Variants in MTMR7 observed in about 807,000 individuals in gnomAD.
The protein encoded by MTMR7 is myotubularin related protein 7, also known as phosphatidylinositol-3-phosphate phosphatase MTMR7.
Under a neutral mutation model 81.2 loss-of-function variants are expected in MTMR7, and 76 were observed. The ratio of observed to expected loss-of-function variants is 0.94; its 90% CI spans 0.78 to 1.13. The LOEUF is 1.13. Among genes scored for constraint, MTMR7 ranks in the 50% most tolerant of loss-of-function variants. The pLI, the probability that MTMR7 is intolerant of heterozygous loss-of-function variation, is 0.00. For missense variants in MTMR7, 1,044 were observed against 820.0 expected (o/e 1.27, Z -3.34); for synonymous variants, 372 against 289.8 (o/e 1.28, Z -2.88).
intron 3 of MTMR7, among the ~76,000 whole-genome samples, chr8:17,369,944 C>T (rs116601814): frequency 2.0e-5 from 3 of 151,908 alleles, no homozygotes; most frequent in African/African-American, 4.8e-5. Context: ...CGCGTCAGGC[C>T]GAGTATATTT....
At chr8:17,373,001 C>T in intron 2 of MTMR7, 117 bp downstream of exon 2, 1 of 1,265,068 alleles carries the variant, frequency 7.9e-7, no homozygotes, top group Non-Finnish European at 1.1e-6. Context: ...AAACAGTTCC[C>T]CAACATCCAG....
chr8:17,311,762 C>T (rs942718241), intron 8 of MTMR7, 126 bp from the exon 9 acceptor site: 30 of 1,462,292 alleles, frequency 2.1e-5, no homozygotes, highest in Non-Finnish European at 2.7e-5. Flanking sequence ...CCTGTCCATT[C>T]GTCTGTTTAG....
chr8:17,331,053 C>A, intron 7 of MTMR7, 97 bp downstream of exon 7: 1 of 1,403,134 alleles, frequency 7.1e-7, no homozygotes, highest in Admixed American at 2.3e-5. Flanking sequence ...ATTATCACAC[C>A]TATGTAAAAA....
rs139704387 is a variant in MTMR7 at position 17,405,619 on chromosome 8, C to T, written c.24+7650G>A. 6.1e-4 allele frequency among the ~76,000 whole-genome samples: 93 copies of T among 152,214 alleles called. No individual in the cohort carries two copies. The East Asian group carries it at 7.5e-3, about 12-fold the overall frequency. On this transcript the variant is annotated intron_variant, in intron 1 of 13. Coordinates refer to ENST00000180173, the MANE Select transcript of MTMR7 (RefSeq NM_004686.5). ...AAGAAGCTATTCCTCTCTTTCAAGG[C>T]TGTTCACTATAAAATCATCCTTGAA...
intron 1 of MTMR7, among the ~76,000 whole-genome samples, chr8:17,410,967 T>C (rs1363568714): frequency 6.6e-6 from 1 of 152,108 alleles, no homozygotes; most frequent in Non-Finnish European, 1.5e-5. Context: ...CATGAAACCA[T>C]GAAATCGAAG....
rs1381442924 is a variant in MTMR7, at chr8:17,298,080, A to G, written c.*1782T>C. On this transcript the variant is annotated 3_prime_UTR_variant, in exon 14 of 14. Transcript: ENST00000180173. ...TTGTTTTTATAGACATACACTGTCAAACGGAAGAAATTAAAGCCACATCCT... is the reference window on the plus strand; with the variant it reads ...TTGTTTTTATAGACATACACTGTCAGACGGAAGAAATTAAAGCCACATCCT... The G allele has an allele frequency of 2.0e-5, 3 of 152,056 alleles. No individual in the cohort carries two copies. Among genetic ancestry groups the G allele is most frequent in the Non-Finnish European group, 2.9e-5 (2 of 67,924 alleles). The allele number at this position is 152,056 out of a possible 1,614,324, so 9.4% of individuals were successfully genotyped here. A position where few individuals can be genotyped will look rare whatever the true frequency, so the allele number is the denominator to read the frequency against.
At chr8:17,308,532 A>C (rs950427869) in intron 10 of MTMR7, among the ~76,000 whole-genome samples, 3 of 152,246 alleles carry the variant, frequency 2.0e-5, no homozygotes, top group African/African-American at 7.2e-5. Context: ...AAGAAAACAC[A>C]GTAAAACTTC....
Position 17,371,167 on chromosome 8 carries a change from T to C in MTMR7, c.180A>G (p.Lys60=). The C allele has an allele frequency of 6.2e-7, 1 of 1,614,182 alleles. No individual in the cohort carries two copies. The highest frequency in any genetic ancestry group is 1.3e-5 in the African/African-American group (1 of 75,056). Residue 60 remains lysine, a synonymous_variant, in exon 3 of 14, where the codon AAA becomes AAG. Transcript: ENST00000180173. ...GGCATCCGGTAGCGGTTGTTGCCTG[T>C]TTCTCAATGGTGGAAATCTGACTGT... ...ILHSQISTIE[K]QATTATGCPL...
In MTMR7 at chr8:17,346,884, TAAA is replaced by T. The variant is rs55910829; in HGVS notation, c.597+2066_597+2068del. Among the ~76,000 whole-genome samples the T allele has an allele frequency of 4.0e-3, 262 of 65,060 alleles. 1 individual carries two copies. Among genetic ancestry groups the T allele is most frequent in the African/African-American group, 0.013 (243 of 18,146 alleles). 42.7% of individuals were successfully genotyped at this position (65,060 alleles called of 152,430 possible). A position where few individuals can be genotyped will look rare whatever the true frequency, so the allele number is the denominator to read the frequency against. On this transcript the variant is annotated intron_variant, in intron 5 of 13. Transcript: ENST00000180173. ...CCTATCTCTATTTATCCTATCTTAA[TAAA>T]AAAAAAAAAAAAAAAAAAAAAAAGA...
chr8:17,367,818 T>C (rs1002536316), intron 3 of MTMR7, among the ~76,000 whole-genome samples: 1 of 151,984 alleles, frequency 6.6e-6, no homozygotes, highest in Admixed American at 6.6e-5. Flanking sequence ...GCTGGAAACT[T>C]TTCTCTTCCC....
intron 1 of MTMR7, among the ~76,000 whole-genome samples, chr8:17,391,246 C>T (rs936235056): frequency 3.3e-5 from 5 of 152,068 alleles, no homozygotes; most frequent in African/African-American, 7.2e-5. Context: ...CTTTGACTTT[C>T]ACTCTGAGTA....
intron 1 of MTMR7, among the ~76,000 whole-genome samples, chr8:17,381,460 T>C (rs1043332636): frequency 6.6e-6 from 1 of 152,106 alleles, no homozygotes; most frequent in African/African-American, 2.4e-5. Context: ...GGTCTTTCTA[T>C]CCTGCAGGTC....
At chr8:17,327,610 T>A (rs1304556007) in intron 7 of MTMR7, among the ~76,000 whole-genome samples, 1 of 147,970 alleles carries the variant, frequency 6.8e-6, no homozygotes, top group African/African-American at 2.6e-5. Context: ...AAAACGTATT[T>A]TGGATTAGTC....
chr8:17,306,086 C>A, intron 10 of MTMR7, 129 bp from the exon 11 acceptor site: 2 of 725,772 alleles, frequency 2.8e-6, no homozygotes, highest in African/African-American at 1.8e-5. Context: ...CTTGGAATGA[C>A]AAAAAAGGTA....
At chr8:17,336,214 C>T (rs556334326) in intron 6 of MTMR7, among the ~76,000 whole-genome samples, 13 of 152,244 alleles carry the variant, frequency 8.5e-5, no homozygotes, top group African/African-American at 2.9e-4. Context: ...CGCTCAACTT[C>T]CCTCACCAGC....
In MTMR7 at chr8:17,305,756, C is replaced by T. The variant is rs1817407841; in HGVS notation, c.1352+1G>A. On this transcript the variant is annotated splice_donor_variant, in intron 11 of 13. Coordinates refer to ENST00000180173, the MANE Select transcript of MTMR7 (RefSeq NM_004686.5). LOFTEE classifies it high-confidence loss of function. ...AACACCAAAAACACCAAAACACTTA[C>T]TTGAGTTCTCGTCTCTCCTTTTGGC... 2 of 1,605,308 alleles carry T rather than the reference C, an allele frequency of 1.2e-6. No individual in the cohort carries two copies. The highest frequency in any genetic ancestry group is 1.7e-6 in the Non-Finnish European group (2 of 1,173,020).
intron 1 of MTMR7, among the ~76,000 whole-genome samples, chr8:17,407,177 T>C (rs73211154): frequency 0.046 from 6,980 of 152,078 alleles, 437 homozygotes; most frequent in East Asian, 0.34. Context: ...AAATCACCCA[T>C]TATTAAAATG....
intron 6 of MTMR7, among the ~76,000 whole-genome samples, chr8:17,335,784 C>A (rs1365153466): frequency 6.6e-6 from 1 of 152,230 alleles, no homozygotes; most frequent in Non-Finnish European, 1.5e-5. Flanking sequence ...ACCTCTTGGG[C>A]AGATTTAATA....
intron 3 of MTMR7, 93 bp from the exon 4 acceptor site, chr8:17,361,367 G>T: frequency 1.4e-6 from 2 of 1,434,586 alleles, no homozygotes; most frequent in South Asian, 2.5e-5. Flanking sequence ...GGAGTGCCCA[G>T]AGAGGCCATC....
Sources: allele counts gnomAD v4.1 joint callset (sites outside exome capture counted in the v4.1 genomes callset), GRCh38; gene constraint gnomAD v4.1.1; transcripts MANE v1.5; gene names NCBI Gene and HGNC (gene_info 2026-07-23, HGNC 2026-07-21).